The following DDX10 variants were observed in gnomAD, a reference collection of about 807,000 sequenced individuals.
DDX10 encodes the protein probable ATP-dependent RNA helicase DDX10.
A neutral mutation model predicts 104.3 loss-of-function variants in DDX10; 74 were observed. The observed-to-expected ratio is 0.71, with a 90% CI of 0.59 to 0.86. The LOEUF is 0.86. DDX10 is among the 40% of genes least tolerant of loss of function. The pLI is 0.00. For synonymous variants in DDX10, 351 were observed against 353.4 expected (o/e 0.99, Z 0.08); for missense variants, 952 against 1,040.0 (o/e 0.92, Z 1.16).
intron 13 of DDX10, among the ~76,000 whole-genome samples, chr11:108,810,816 GAGTT>G (rs1474135169): frequency 6.6e-6 from 1 of 152,114 alleles, no homozygotes; most frequent in African/African-American, 2.4e-5. Flanking sequence ...ACCTTAGAGA[GAGTT>G]GTTTAAAAGT....
intron 15 of DDX10, among the ~76,000 whole-genome samples, chr11:108,842,050 C>G (rs985599541): frequency 6.6e-6 from 1 of 152,084 alleles, no homozygotes; most frequent in Non-Finnish European, 1.5e-5. Context: ...ATTTCCATAT[C>G]AATTACTTGA....
intron 13 of DDX10, among the ~76,000 whole-genome samples, chr11:108,765,645 C>T (rs2094355568): frequency 6.6e-6 from 1 of 152,196 alleles, no homozygotes; most frequent in Non-Finnish European, 1.5e-5. Flanking sequence ...TTCTGCATTG[C>T]AAAATACATG....
At chr11:108,855,260 C>G (rs1474734067) in intron 16 of DDX10, among the ~76,000 whole-genome samples, 1 of 152,046 alleles carries the variant, frequency 6.6e-6, no homozygotes, top group African/African-American at 2.4e-5. Context: ...GTTACATAAT[C>G]CTGGAATACA....
chr11:108,927,635 C>CTTTTTTTTTTTTTTTT (rs147115643), intron 17 of DDX10, among the ~76,000 whole-genome samples: 1 of 146,512 alleles, frequency 6.8e-6, no homozygotes. Context: ...GCACTTGGAA[C>CTTTTTTTTTTTTTTTT]TTTTTTTTTT....
intron 17 of DDX10, among the ~76,000 whole-genome samples, chr11:108,937,446 T>G (rs1864051091): frequency 6.6e-6 from 1 of 152,362 alleles, no homozygotes; most frequent in African/African-American, 2.4e-5. Context: ...GAAAGTTATA[T>G]TCCATTTAAA....
chr11:108,730,013 A>G (rs115683393), intron 13 of DDX10: 369 of 153,876 alleles, frequency 2.4e-3, no homozygotes, highest in African/African-American at 8.5e-3. Context: ...ATTAGTTCTA[A>G]TGGATCAATT....
At chr11:108,775,357 T>C (rs993944543) in intron 13 of DDX10, among the ~76,000 whole-genome samples, 6 of 152,204 alleles carry the variant, frequency 3.9e-5, no homozygotes, top group African/African-American at 1.4e-4. Context: ...CACACAGTTA[T>C]TTGACAATTG....
At chr11:108,896,390 T>C (rs1323771265) in intron 16 of DDX10, among the ~76,000 whole-genome samples, 1 of 151,874 alleles carries the variant, frequency 6.6e-6, no homozygotes, top group South Asian at 2.1e-4. Context: ...GTGTTTTAAC[T>C]GTACTCTCTA....
intron 13 of DDX10, among the ~76,000 whole-genome samples, chr11:108,802,035 G>GTGTGTA (rs1678465038): frequency 6.6e-6 from 1 of 150,842 alleles, no homozygotes; most frequent in Non-Finnish European, 1.5e-5. Context: ...GTGTGTGTGT[G>GTGTGTA]TTTGTGTGTA....
In DDX10 at chr11:108,823,582, C is replaced by G. The variant is rs142191608; in HGVS notation, c.1966-14864C>G. On this transcript the variant is annotated intron_variant, in intron 13 of 17. Transcript: ENST00000322536. ...CAGTTTGAATTTAGCATATATCTTT[C>G]TTCCATTATTGTAGTTCTTTGTGAA... is the stretch of plus-strand genomic sequence containing the variant. Among the ~76,000 whole-genome samples, 10 of 152,288 alleles carry G rather than the reference C, an allele frequency of 6.6e-5. No homozygotes were observed. In the East Asian group the frequency reaches 1.9e-3, roughly 29 times the overall value.
intron 17 of DDX10, among the ~76,000 whole-genome samples, chr11:108,926,364 A>C (rs990479005): frequency 4.6e-5 from 7 of 152,220 alleles, no homozygotes; most frequent in African/African-American, 1.7e-4. Context: ...TGCCAGCCCC[A>C]AATGGCGTTG....
At chr11:108,837,773 C>A (rs1862577029) in intron 13 of DDX10, among the ~76,000 whole-genome samples, 1 of 151,762 alleles carries the variant, frequency 6.6e-6, no homozygotes, top group Non-Finnish European at 1.5e-5. Flanking sequence ...CAGGCGCCCG[C>A]CACCACACCC....
chr11:108,754,188 A>G (rs936086762), intron 13 of DDX10, among the ~76,000 whole-genome samples: 24 of 152,174 alleles, frequency 1.6e-4, no homozygotes, highest in African/African-American at 5.3e-4. Context: ...TGAATGATTC[A>G]TTTAACAGAA....
intron 13 of DDX10, among the ~76,000 whole-genome samples, chr11:108,819,455 C>T (rs889905113): frequency 9.9e-5 from 15 of 151,682 alleles, no homozygotes; most frequent in African/African-American, 2.7e-4. Flanking sequence ...CACATTTTTT[C>T]GAAAAAGTAA....
At chr11:108,888,734 T>TCA (rs1863335017) in intron 16 of DDX10, among the ~76,000 whole-genome samples, 1 of 151,964 alleles carries the variant, frequency 6.6e-6, no homozygotes, top group Non-Finnish European at 1.5e-5. Flanking sequence ...AGACTAGACG[T>TCA]GGGATATACA....
intron 11 of DDX10, among the ~76,000 whole-genome samples, chr11:108,716,845 G>T (rs904130532): frequency 6.6e-6 from 1 of 151,838 alleles, no homozygotes; most frequent in African/African-American, 2.4e-5. Flanking sequence ...AATATACATT[G>T]TGTAATTGCT....
At chr11:108,667,102 T>C (rs986212975) in intron 1 of DDX10, among the ~76,000 whole-genome samples, 1 of 152,238 alleles carries the variant, frequency 6.6e-6, no homozygotes, top group Non-Finnish European at 1.5e-5. Flanking sequence ...CTATAGTAAA[T>C]ATTGCTTTCA....
At chr11:108,674,631 C>T (rs769306623) in intron 2 of DDX10, among the ~76,000 whole-genome samples, 25 of 152,046 alleles carry the variant, frequency 1.6e-4, no homozygotes, top group African/African-American at 5.8e-4. Flanking sequence ...CCATCTCAGC[C>T]TCCTGAGTAG....
chr11:108,675,030 T>A (rs1252380453), intron 2 of DDX10, among the ~76,000 whole-genome samples: 1 of 152,098 alleles, frequency 6.6e-6, no homozygotes, highest in Non-Finnish European at 1.5e-5. Context: ...TCCTCCAGGT[T>A]CATCCATGTT....
Sources: allele counts gnomAD v4.1 joint callset (sites outside exome capture counted in the v4.1 genomes callset), GRCh38; gene constraint gnomAD v4.1.1; transcripts MANE v1.5; gene names NCBI Gene and HGNC (gene_info 2026-07-23, HGNC 2026-07-21).